Variants in ECE1 observed in about 807,000 individuals in gnomAD.
ECE1 encodes the protein endothelin-converting enzyme 1.
ECE1 carries 35 observed loss-of-function variants against 98.6 expected under a neutral mutation model. That is an observed-to-expected ratio of 0.35 (90% CI 0.27 to 0.47). ECE1 has a LOEUF of 0.47. Among genes scored for constraint, ECE1 ranks in the 20% least tolerant of loss-of-function variants. The probability of loss-of-function intolerance (pLI) is 1.00; values close to 1 mark genes in which losing one functional copy is unlikely to be tolerated. For missense variants in ECE1, 814 were observed against 1,025.3 expected (o/e 0.79, Z 2.81); for synonymous variants, 394 against 407.1 (o/e 0.97, Z 0.39).
At chr1:21,270,871 G>A (rs2098239385) in intron 4 of ECE1, among the ~76,000 whole-genome samples, 1 of 152,190 alleles carries the variant, frequency 6.6e-6, no homozygotes, top group African/African-American at 2.4e-5. Context: ...GTCCTGGTGA[G>A]TCTGAAGCAG....
In ECE1 at chr1:21,239,772, C is replaced by T. The variant is rs545795407; in HGVS notation, c.1279-1528G>A. On this transcript the variant is annotated intron_variant, in intron 10 of 18. Transcript: ENST00000374893. ...CTCTATCTTTCTAAAATTTTTTATA[C>T]ATTTTTTTCTTTCTTTTTTTTTTTT... 1.3e-4 allele frequency among the ~76,000 whole-genome samples: 20 copies of T among 151,748 alleles called. 1 individual carries two copies. The highest frequency in any genetic ancestry group is 4.3e-4 in the African/African-American group (18 of 41,440).
At position 21,333,982 on chromosome 1, in the gene ECE1, T is replaced by A. The variant is rs213062; in HGVS notation, c.3+11394A>T. On this transcript the variant is annotated intron_variant, in intron 1 of 18. Transcript: ENST00000415912. Reference sequence around the variant, plus strand: ...CACTATGAGAAAGGTGCTACCATCATCCCATTTCATAGAGGAGAAAACCGA... The same window carrying A: ...CACTATGAGAAAGGTGCTACCATCAACCCATTTCATAGAGGAGAAAACCGA... 6.7e-3 allele frequency among the ~76,000 whole-genome samples: 1,014 copies of A among 152,248 alleles called. 8 individuals are homozygous for A. The highest frequency in any genetic ancestry group is 0.023 in the African/African-American group (972 of 41,548).
intron 1 of ECE1, among the ~76,000 whole-genome samples, chr1:21,318,063 G>A (rs1393720597): frequency 6.6e-6 from 1 of 152,212 alleles, no homozygotes; most frequent in African/African-American, 2.4e-5. Context: ...AGGTCCCCTC[G>A]CTGGCTGCTG....
chr1:21,308,648 C>G (rs1450266766), intron 1 of ECE1, among the ~76,000 whole-genome samples: 3 of 152,110 alleles, frequency 2.0e-5, no homozygotes, highest in African/African-American at 4.8e-5. Context: ...CCTTGCTGAG[C>G]CTCAACCTCC....
At chr1:21,237,989 A>T in intron 11 of ECE1, 145 bp downstream of exon 11, 1 of 736,132 alleles carries the variant, frequency 1.4e-6, no homozygotes, top group Non-Finnish European at 2.4e-6. Context: ...CGAGGAAGTG[A>T]AGCCTCTGCA....
chr1:21,331,205 C>T (rs935648309), intron 1 of ECE1, among the ~76,000 whole-genome samples: 9 of 152,222 alleles, frequency 5.9e-5, no homozygotes, highest in Admixed American at 3.3e-4. Context: ...GAGATCGAGA[C>T]GACCCTGGCC....
At chr1:21,270,121 C>G (rs1271930303) in intron 4 of ECE1, among the ~76,000 whole-genome samples, 2 of 152,236 alleles carry the variant, frequency 1.3e-5, no homozygotes, top group African/African-American at 4.8e-5. Flanking sequence ...CTGTCCTGCC[C>G]CATCCCCTCT....
chr1:21,228,487 CCATTAGATTTTGAAATAT>C (rs1339948432), intron 14 of ECE1, among the ~76,000 whole-genome samples: 1 of 152,058 alleles, frequency 6.6e-6, no homozygotes, highest in Non-Finnish European at 1.5e-5. Context: ...GCAGGAAGGG[CCATTAGATTTTGAAATAT>C]CAGCACACAG....
intron 10 of ECE1, among the ~76,000 whole-genome samples, chr1:21,239,773 A>AT (rs2098193611): frequency 6.7e-6 from 1 of 148,330 alleles, no homozygotes; most frequent in South Asian, 2.1e-4. Flanking sequence ...TTTTTTATAC[A>AT]TTTTTTTCTT....
chr1:21,275,219 T>G (rs1032569498), intron 3 of ECE1, among the ~76,000 whole-genome samples: 1 of 152,138 alleles, frequency 6.6e-6, no homozygotes, highest in Non-Finnish European at 1.5e-5. Context: ...AGAGACAGAC[T>G]GATTAATTAA....
At chr1:21,330,233 T>C (rs1167593121) in intron 1 of ECE1, among the ~76,000 whole-genome samples, 2 of 121,194 alleles carry the variant, frequency 1.7e-5, no homozygotes, top group Non-Finnish European at 3.5e-5. Flanking sequence ...ATACTTTTTT[T>C]TTTTTTTTTT....
intron 1 of ECE1, chr1:21,299,126 A>G: frequency 3.2e-6 from 1 of 310,716 alleles, no homozygotes. Context: ...GATATGGTAT[A>G]ATGGTGATGA....
At position 21,220,171 on chromosome 1, in the gene ECE1, G is replaced by T. The variant is rs1188694877; in HGVS notation, c.2137-40C>A. The T allele has an allele frequency of 1.3e-6, 2 of 1,580,078 alleles. No homozygotes were observed. Among genetic ancestry groups the T allele is most frequent in the Non-Finnish European group, 1.7e-6 (2 of 1,160,156 alleles). On this transcript the variant is annotated intron_variant, in intron 18 of 18. Coordinates refer to ENST00000374893, the MANE Select transcript of ECE1 (RefSeq NM_001397.3). The surrounding 1 kb of genome is among the most constrained non-coding windows in gnomAD (Gnocchi z 5.0). ...CAGGGAGAGGCCAGGGTCACTGTGG[G>T]GCCCTCGGGCTGCCAGACTGCCCCC...
intron 1 of ECE1, among the ~76,000 whole-genome samples, chr1:21,324,189 C>T (rs1306232417): frequency 2.6e-5 from 4 of 152,098 alleles, no homozygotes; most frequent in Non-Finnish European, 5.9e-5. Context: ...TGACCATAGC[C>T]CATGCAGCCT....
At chr1:21,257,240 T>C (rs2098220958) in intron 7 of ECE1, among the ~76,000 whole-genome samples, 1 of 152,104 alleles carries the variant, frequency 6.6e-6, no homozygotes, top group Non-Finnish European at 1.5e-5. Context: ...TCACAGGTGA[T>C]GTATAAAGGG....
rs181201789 is a variant in ECE1, at chr1:21,220,323, C to T, written c.2137-192G>A. 6.6e-6 allele frequency among the ~76,000 whole-genome samples: 1 copy of T among 151,886 alleles called. No homozygotes were observed. The highest frequency in any genetic ancestry group is 1.9e-4 in the East Asian group (1 of 5,160). On this transcript the variant is annotated intron_variant, in intron 18 of 18. Coordinates refer to ENST00000374893, the MANE Select transcript of ECE1 (RefSeq NM_001397.3). This position sits in a 1 kb window ranked among gnomAD's most constrained non-coding sequence, Gnocchi z 5.0. ...CAGCTTGGGCAACATGGCAAGACCC[C>T]ATCTCTACAAAAAATTAAAAAAAAA...
At chr1:21,266,238 A>G (rs1165992401) in intron 4 of ECE1, 1 of 151,672 alleles carries the variant, frequency 6.6e-6, no homozygotes, top group Non-Finnish European at 1.5e-5. Flanking sequence ...AATCCCCCAC[A>G]TGCTGCTGGG....
chr1:21,336,156 G>A (rs1202936603), intron 1 of ECE1, among the ~76,000 whole-genome samples: 1 of 152,092 alleles, frequency 6.6e-6, no homozygotes, highest in South Asian at 2.1e-4. Context: ...TAAGGTGGAT[G>A]AATCACTTGA....
intron 17 of ECE1, among the ~76,000 whole-genome samples, chr1:21,224,458 T>C (rs2103208969): frequency 6.6e-6 from 1 of 152,280 alleles, no homozygotes; most frequent in Admixed American, 6.5e-5. Context: ...CTCGTGGACT[T>C]TAAGCAACCT....
Sources: allele counts gnomAD v4.1 joint callset (sites outside exome capture counted in the v4.1 genomes callset), GRCh38; gene constraint gnomAD v4.1.1; non-coding constraint Gnocchi (gnomAD v3.1); transcripts MANE v1.5; gene names NCBI Gene and HGNC (gene_info 2026-07-23, HGNC 2026-07-21).